Variants in CCSER1 observed in about 807,000 individuals in gnomAD.
CCSER1 encodes the protein serine-rich coiled-coil domain-containing protein 1.
A neutral mutation model predicts 82.0 loss-of-function variants in CCSER1; 41 were observed. The observed-to-expected ratio is 0.50, with a 90% CI of 0.39 to 0.65. The LOEUF is 0.65. Ranked by LOEUF, CCSER1 falls within the 30% of genes least tolerant of loss-of-function variation. CCSER1 has a pLI of 0.00. For synonymous variants in CCSER1, 414 were observed against 383.9 expected, an observed-to-expected ratio of 1.08 and a Z score of -0.92; for missense variants, 1,119 against 1,064.2, an observed-to-expected ratio of 1.05 and a Z score of -0.72.
chr4:91,016,894 T>C lies in CCSER1; in HGVS notation c.2173-69056T>C, dbSNP rs151089099. 5.7e-3 allele frequency among the ~76,000 whole-genome samples: 865 copies of C among 152,208 alleles called. 7 individuals carry two copies. Among genetic ancestry groups the C allele is most frequent in the African/African-American group, 0.02 (815 of 41,540 alleles). Reference sequence around the variant, plus strand: ...AAAGTGTGAGTTAAGCATTTTCATGTATTAAAGTGGGAATAAGGGGAGGAG... The same window carrying C: ...AAAGTGTGAGTTAAGCATTTTCATGCATTAAAGTGGGAATAAGGGGAGGAG... On this transcript the variant is annotated intron_variant, in intron 9 of 10. Transcript: ENST00000509176.
At chr4:91,132,890 A>T (rs756533822) in intron 10 of CCSER1, among the ~76,000 whole-genome samples, 3 of 152,184 alleles carry the variant, frequency 2.0e-5, no homozygotes, top group Non-Finnish European at 4.4e-5. Context: ...GCATTTTCAT[A>T]ACGTCAACAA....
At chr4:90,603,018 A>C (rs1301060812) in intron 5 of CCSER1, among the ~76,000 whole-genome samples, 1 of 152,186 alleles carries the variant, frequency 6.6e-6, no homozygotes, top group East Asian at 1.9e-4. Context: ...TGACCTGGAG[A>C]AGCTTTGACA....
At chr4:91,479,171 CTT>C (rs1757753060) in intron 10 of CCSER1, among the ~76,000 whole-genome samples, 1 of 149,778 alleles carries the variant, frequency 6.7e-6, no homozygotes, top group South Asian at 2.1e-4. Context: ...TGAATATTTT[CTT>C]TCTTTTTTTT....
intron 5 of CCSER1, among the ~76,000 whole-genome samples, chr4:90,484,826 G>T (rs184136641): frequency 2.6e-5 from 4 of 152,310 alleles, no homozygotes; most frequent in East Asian, 1.9e-4. Context: ...GGGGGTTAGG[G>T]ACCCTCTTGA....
chr4:91,357,884 C>A (rs570522574), intron 10 of CCSER1, among the ~76,000 whole-genome samples: 6 of 73,676 alleles, frequency 8.1e-5, no homozygotes, highest in South Asian at 6.9e-4. Context: ...CTGCCCCCCC[C>A]CCCTTTTTTT....
intron 5 of CCSER1, among the ~76,000 whole-genome samples, chr4:90,592,616 ACTT>A (rs1782848545): frequency 6.6e-6 from 1 of 152,096 alleles, no homozygotes; most frequent in South Asian, 2.1e-4. Flanking sequence ...CGCACAGCCT[ACTT>A]CTTTCTCTAT....
At chr4:90,416,268 TA>T (rs1408087246) in intron 4 of CCSER1, among the ~76,000 whole-genome samples, 1 of 152,192 alleles carries the variant, frequency 6.6e-6, no homozygotes, top group African/African-American at 2.4e-5. Flanking sequence ...ATTGAATGCC[TA>T]TAATGAGCCA....
At position 90,579,869 on chromosome 4, in the gene CCSER1, T is replaced by A. The variant is rs553675391; in HGVS notation, c.1725-48156T>A. ...AATTTCATTCATAGCTGAGAAGGAT[T>A]TTTTTTTAAAGATGGCTAAAGTCAT... On this transcript the variant is annotated intron_variant, in intron 5 of 10. Transcript: ENST00000509176. Among the ~76,000 whole-genome samples, 94 of 149,904 alleles carry A rather than the reference T, an allele frequency of 6.3e-4. 1 individual carries two copies. Among genetic ancestry groups the A allele is most frequent in the Middle Eastern group, 6.8e-3 (2 of 294 alleles).
At chr4:91,509,288 T>G (rs1315693349) in intron 10 of CCSER1, among the ~76,000 whole-genome samples, 2 of 152,098 alleles carry the variant, frequency 1.3e-5, no homozygotes, top group Non-Finnish European at 2.9e-5. Context: ...TGGTTCATTG[T>G]ATTTTCATTT....
chr4:90,707,507 G>T (rs1739602547), intron 6 of CCSER1, among the ~76,000 whole-genome samples: 1 of 141,912 alleles, frequency 7.0e-6, no homozygotes. Context: ...CAAACTATGA[G>T]GAAATTCTGT....
chr4:90,305,218 A>G (rs1003498409), intron 1 of CCSER1, among the ~76,000 whole-genome samples: 3 of 152,124 alleles, frequency 2.0e-5, no homozygotes. Context: ...GCCCGGCCTC[A>G]TTTACTGTTA....
chr4:91,523,479 A>G (rs571715107), intron 10 of CCSER1, among the ~76,000 whole-genome samples: 5 of 152,316 alleles, frequency 3.3e-5, no homozygotes, highest in African/African-American at 1.2e-4. Flanking sequence ...CTCTGGTAGA[A>G]TTCGGCTGGG....
intron 7 of CCSER1, among the ~76,000 whole-genome samples, chr4:90,749,541 G>A (rs1298928844): frequency 6.6e-6 from 1 of 151,986 alleles, no homozygotes; most frequent in Non-Finnish European, 1.5e-5. Flanking sequence ...GGTTCCATAT[G>A]AACTTTAAAG....
intron 3 of CCSER1, among the ~76,000 whole-genome samples, chr4:90,390,390 T>A (rs1228041144): frequency 6.6e-6 from 1 of 152,216 alleles, no homozygotes; most frequent in East Asian, 1.9e-4. Flanking sequence ...ATCACCCAGG[T>A]AGGTAGCATT....
chr4:91,224,700 C>T (rs868316227), intron 10 of CCSER1, among the ~76,000 whole-genome samples: 1 of 152,074 alleles, frequency 6.6e-6, no homozygotes, highest in Non-Finnish European at 1.5e-5. Context: ...CAAATATACA[C>T]TAACATCTCC....
intron 9 of CCSER1, among the ~76,000 whole-genome samples, chr4:91,014,214 A>G (rs987999226): frequency 7.5e-6 from 1 of 134,220 alleles, no homozygotes; most frequent in Admixed American, 7.4e-5. Flanking sequence ...TTTAGTATCC[A>G]TGCTCTCTCT....
chr4:90,506,695 G>C (rs1770737014), intron 5 of CCSER1, among the ~76,000 whole-genome samples: 1 of 151,702 alleles, frequency 6.6e-6, no homozygotes, highest in South Asian at 2.1e-4. Flanking sequence ...AACCTGGGAG[G>C]CGGAGGTCAC....
intron 7 of CCSER1, among the ~76,000 whole-genome samples, chr4:90,790,469 G>T (rs1755084429): frequency 6.6e-6 from 1 of 152,070 alleles, no homozygotes; most frequent in South Asian, 2.1e-4. Flanking sequence ...GAATTTTAAT[G>T]TTCCTACCTT....
chr4:90,685,435 A>G (rs1734649892), intron 6 of CCSER1, among the ~76,000 whole-genome samples: 1 of 152,174 alleles, frequency 6.6e-6, no homozygotes, highest in Non-Finnish European at 1.5e-5. Flanking sequence ...TAAGGATGTA[A>G]TGGATATTAT....
Sources: gnomAD v4.1 joint callset for allele counts (sites outside exome capture counted in the v4.1 genomes callset) on GRCh38, gnomAD v4.1.1 for gene constraint, MANE v1.5 for transcripts, NCBI Gene and HGNC (gene_info 2026-07-23, HGNC 2026-07-21) for gene names.